Variants in DCAF12L2 observed in about 807,000 individuals in gnomAD.
DCAF12L2 encodes DDB1- and CUL4-associated factor 12-like protein 2.
A neutral mutation model predicts 20.2 loss-of-function variants in DCAF12L2; 16 were observed. The ratio of observed to expected loss-of-function variants is 0.79; its 90% CI spans 0.54 to 1.20. DCAF12L2 has a LOEUF of 1.20. Ranked by LOEUF, DCAF12L2 falls within the 50% of genes most tolerant of loss-of-function variation. DCAF12L2 has a pLI of 0.00. For missense variants in DCAF12L2, 355 were observed against 404.8 expected, an observed-to-expected ratio of 0.88 and a Z score of 1.06; for synonymous variants, 195 against 190.0, an observed-to-expected ratio of 1.03 and a Z score of -0.22.
Position 126,166,035 on chromosome X carries a change from G to A in DCAF12L2, c.-111C>T. On this transcript the variant is annotated 5_prime_UTR_variant, in exon 1 of 1. Transcript: ENST00000360028. ...GTGTTGGCCGTGGCGGCGGTGGTGGGGATGGCTGCGCTTCCGCGTCAGCCG... is the reference window on the plus strand; with the variant it reads ...GTGTTGGCCGTGGCGGCGGTGGTGGAGATGGCTGCGCTTCCGCGTCAGCCG... 2 of 708,834 alleles carry A rather than the reference G, an allele frequency of 2.8e-6. No individual in the cohort carries two copies. Among genetic ancestry groups the A allele is most frequent in the Non-Finnish European group, 3.3e-6 (2 of 597,756 alleles). 58.4% of individuals were successfully genotyped at this position (708,834 alleles called of 1,213,427 possible). A position where few individuals can be genotyped will look rare whatever the true frequency, so the allele number is the denominator to read the frequency against.
In DCAF12L2 at chrX:126,164,299, G is replaced by C; in HGVS notation, c.*234C>G. On this transcript the variant is annotated 3_prime_UTR_variant, in exon 1 of 1. Coordinates refer to ENST00000360028, the MANE Select transcript of DCAF12L2 (RefSeq NM_001013628.3). ...AAAATATACTGCTGTTGGGAAACGT[G>C]AATGAGAGTTTTAAAGCCAAAGTTT... 7.8e-6 allele frequency: 3 copies of C among 382,427 alleles called. No homozygotes were observed. Among genetic ancestry groups the C allele is most frequent in the Non-Finnish European group, 1.3e-5 (3 of 227,937 alleles). 31.5% of individuals were successfully genotyped at this position (382,427 alleles called of 1,213,427 possible). A position where few individuals can be genotyped will look rare whatever the true frequency, so the allele number is the denominator to read the frequency against.
Position 126,165,365 on chromosome X carries a change from A to C in DCAF12L2, c.560T>G (p.Leu187Arg). ...YQLPTLDPLCLGDRHGHKDWI... is the reference protein window; with the variant it reads ...YQLPTLDPLCRGDRHGHKDWI... The stretch of plus-strand genomic sequence containing the variant: ...GTCCTTGTGGCCATGGCGGTCGCCC[A>C]GGCACAGGGGGTCCAGGGTGGGCAG... Residue 187 changes from leucine (L) to arginine (R), a missense_variant, in exon 1 of 1, where the codon CTG (leucine) becomes CGG (arginine). Coordinates refer to ENST00000360028, the MANE Select transcript of DCAF12L2 (RefSeq NM_001013628.3). 8.3e-7 allele frequency: 1 copy of C among 1,211,972 alleles called. No individual in the cohort carries two copies. The highest frequency in any genetic ancestry group is 1.1e-6 in the Non-Finnish European group (1 of 895,597).
chrX:126,165,445 G>C lies in DCAF12L2; in HGVS notation c.480C>G (p.Ser160=), dbSNP rs375151881. The part of the protein sequence containing the change: ...CGIHAIELNP[S]KTLLATGGEN... ...CGCCGCCGGTGGCCAGAAGCGTCTTGGAGGGATTCAGCTCGATGGCATGGA... is the reference window on the plus strand; with the variant it reads ...CGCCGCCGGTGGCCAGAAGCGTCTTCGAGGGATTCAGCTCGATGGCATGGA... The change falls in exon 1 of 1, where the codon TCC becomes TCG. Residue 160 remains serine (S), a synonymous_variant. Coordinates refer to ENST00000360028, the MANE Select transcript of DCAF12L2 (RefSeq NM_001013628.3). 2.5e-6 allele frequency: 3 copies of C among 1,211,052 alleles called. No individual in the cohort carries two copies. The African/African-American group carries it at 5.2e-5, about 21-fold the overall frequency.
rs775766094 is a variant in DCAF12L2, at chrX:126,165,376, G to T, written c.549C>A (p.Asp183Glu). The T allele has an allele frequency of 2.5e-6, 3 of 1,211,947 alleles. No homozygotes were observed. Among genetic ancestry groups the T allele is most frequent in the Non-Finnish European group, 3.3e-6 (3 of 895,579 alleles). ...CATGGCGGTCGCCCAGGCACAGGGG[G>T]TCCAGGGTGGGCAGCTGGTAGATGG... ...SLAIYQLPTL[D>E]PLCLGDRHGH... is the part of the protein sequence containing the mutation. The change falls in exon 1 of 1, where the codon GAC (aspartate) becomes GAA (glutamate). Residue 183 changes from aspartate (D) to glutamate (E), a missense_variant. Transcript: ENST00000360028.
chrX:126,165,986 C>G lies in DCAF12L2; in HGVS notation c.-62G>C. The stretch of plus-strand genomic sequence containing the variant: ...GGCGGCGGCGGCGGCGGCGGCCCGG[C>G]GGCGGTGGCGGCGCGTGGCACCCGT... On this transcript the variant is annotated 5_prime_UTR_variant, in exon 1 of 1. Coordinates refer to ENST00000360028, the MANE Select transcript of DCAF12L2 (RefSeq NM_001013628.3). 1 of 766,204 alleles carries G rather than the reference C, an allele frequency of 1.3e-6. No homozygotes were observed. The highest frequency in any genetic ancestry group is 1.5e-6 in the Non-Finnish European group (1 of 648,945). The allele number at this position is 766,204 out of a possible 1,213,427, so 63.1% of individuals were successfully genotyped here.
chrX:126,165,292 G>A lies in DCAF12L2; in HGVS notation c.633C>T (p.Gly211=), dbSNP rs1201119880. ...ACAGAGCCACGGTGCCGTCGCGGGA[G>A]CCGCTCACAGCTACGGTGTCACTCA... ...AWLSDTVAVS[G]SRDGTVALWR... is the part of the protein sequence containing the mutation. Residue 211 remains glycine, a synonymous_variant, in exon 1 of 1, where the codon GGC becomes GGT. Transcript: ENST00000360028. 19 of 1,211,456 alleles carry A rather than the reference G, an allele frequency of 1.6e-5. No homozygotes were observed. Among genetic ancestry groups the A allele is most frequent in the Non-Finnish European group, 2.1e-5 (19 of 895,504 alleles).
chrX:126,165,865 G>C lies in DCAF12L2; in HGVS notation c.60C>G (p.Ala20=). ...CTAAACCCTGCGACGACGAGCTCCCGGCTCCCGCCTCGACCGCGGGCGCTT... is the reference window on the plus strand; with the variant it reads ...CTAAACCCTGCGACGACGAGCTCCCCGCTCCCGCCTCGACCGCGGGCGCTT... ...KRKAPAVEAG[A]GSSSSQGLAA... Residue 20 remains alanine (A), a synonymous_variant, in exon 1 of 1, where the codon GCC becomes GCG. Transcript: ENST00000360028. 4 of 1,205,480 alleles carry C rather than the reference G, an allele frequency of 3.3e-6. No homozygotes were observed. Among genetic ancestry groups the C allele is most frequent in the Non-Finnish European group, 4.5e-6 (4 of 894,522 alleles).
In DCAF12L2 at chrX:126,163,900, C is replaced by T. The variant is rs1025881787; in HGVS notation, c.*633G>A. On this transcript the variant is annotated 3_prime_UTR_variant, in exon 1 of 1. Coordinates refer to ENST00000360028, the MANE Select transcript of DCAF12L2 (RefSeq NM_001013628.3). The stretch of plus-strand genomic sequence containing the variant: ...CAGAACATATTTTTAAAGCATTTTA[C>T]ACATCAACACTATACAAACAACAGA... The T allele has an allele frequency of 6.2e-5, 7 of 112,210 alleles. No homozygotes were observed. The highest frequency in any genetic ancestry group is 2.3e-4 in the African/African-American group (7 of 30,872). 9.2% of individuals were successfully genotyped at this position (112,210 alleles called of 1,213,427 possible). A position where few individuals can be genotyped will look rare whatever the true frequency, so the allele number is the denominator to read the frequency against.
rs931036780 is a variant in DCAF12L2 at position 126,165,419 on chromosome X, T to C, written c.506A>G (p.Glu169Gly). Residue 169 changes from glutamate (E) to glycine (G), a missense_variant, in exon 1 of 1, where the codon GAA becomes GGA. By Grantham distance (98) the Glu-to-Gly change is moderately conservative. Transcript: ENST00000360028. ...GTAGATGGCCAGGCTGTTGGGGTTT[T>C]CGCCGCCGGTGGCCAGAAGCGTCTT... ...PSKTLLATGG[E>G]NPNSLAIYQL... is the part of the protein sequence containing the mutation. 1 of 1,210,704 alleles carries C rather than the reference T, an allele frequency of 8.3e-7. No individual in the cohort carries two copies. Among genetic ancestry groups the C allele is most frequent in the Non-Finnish European group, 1.1e-6 (1 of 895,294 alleles).
Position 126,166,040 on chromosome X carries a change from GC to G in DCAF12L2, c.-117del. The G allele has an allele frequency of 1.4e-6, 1 of 708,781 alleles. No homozygotes were observed. Among genetic ancestry groups the G allele is most frequent in the Non-Finnish European group, 1.7e-6 (1 of 597,164 alleles). The allele number at this position is 708,781 out of a possible 1,213,427, so 58.4% of individuals were successfully genotyped here. ...GGCCGTGGCGGCGGTGGTGGGGATGGCTGCGCTTCCGCGTCAGCCGAGAGCT... is the reference window on the plus strand; with the variant it reads ...GGCCGTGGCGGCGGTGGTGGGGATGGTGCGCTTCCGCGTCAGCCGAGAGCT... On this transcript the variant is annotated 5_prime_UTR_variant, in exon 1 of 1. Transcript: ENST00000360028.
Position 126,164,447 on chromosome X carries a change from T to G in DCAF12L2, c.*86A>C, listed in dbSNP as rs1235521302. 5 of 1,106,985 alleles carry G rather than the reference T, an allele frequency of 4.5e-6. No individual in the cohort carries two copies. Among genetic ancestry groups the G allele is most frequent in the Non-Finnish European group, 4.8e-6 (4 of 835,759 alleles). 91.2% of individuals were successfully genotyped at this position (1,106,985 alleles called of 1,213,427 possible). A position where few individuals can be genotyped will look rare whatever the true frequency, so the allele number is the denominator to read the frequency against. On this transcript the variant is annotated 3_prime_UTR_variant, in exon 1 of 1. Transcript: ENST00000360028. ...CCTGGAAGACAAAAGCCACACAAAG[T>G]TAAAAGCACAAATGCAGCATGAAGA...
chrX:126,166,034 G>T lies in DCAF12L2; in HGVS notation c.-110C>A. The T allele has an allele frequency of 1.4e-6, 1 of 717,857 alleles. No individual in the cohort carries two copies. 59.2% of individuals were successfully genotyped at this position (717,857 alleles called of 1,213,427 possible). On this transcript the variant is annotated 5_prime_UTR_variant, in exon 1 of 1. Coordinates refer to ENST00000360028, the MANE Select transcript of DCAF12L2 (RefSeq NM_001013628.3). ...CGTGTTGGCCGTGGCGGCGGTGGTG[G>T]GGATGGCTGCGCTTCCGCGTCAGCC...
Position 126,165,213 on chromosome X carries a change from C to G in DCAF12L2, c.712G>C (p.Gly238Arg), listed in dbSNP as rs1352852574. ...NGSIAWHSEV[G>R]LPVYAHIRPR... ...CGGATGTGGGCATATACTGGGAGAC[C>G]CACCTCGCTGTGCCAGGCAATGCTG... The change falls in exon 1 of 1, where the codon GGT becomes CGT. Residue 238 changes from glycine (G) to arginine (R), a missense_variant. By Grantham distance (125) the Gly-to-Arg change is moderately radical (BLOSUM62 -2). Coordinates refer to ENST00000360028, the MANE Select transcript of DCAF12L2 (RefSeq NM_001013628.3). 1 of 1,210,742 alleles carries G rather than the reference C, an allele frequency of 8.3e-7. No individual in the cohort carries two copies. Among genetic ancestry groups the G allele is most frequent in the African/African-American group, 1.7e-5 (1 of 57,546 alleles).
rs775259004 is a variant in DCAF12L2, at chrX:126,164,792, C to T, written c.1133G>A (p.Arg378His). The change falls in exon 1 of 1, where the codon CGC (arginine) becomes CAC (histidine). Residue 378 changes from arginine to histidine, a missense_variant. Physicochemically the swap from Arg to His is conservative, Grantham distance 29. Transcript: ENST00000360028. ...GHGSLLFYDI[R>H]AQKFLEERAS... ...CCTCTCCTCCAGGAACTTCTGGGCGCGGATGTCATAGAAGAGCAGGGAACC... is the reference window on the plus strand; with the variant it reads ...CCTCTCCTCCAGGAACTTCTGGGCGTGGATGTCATAGAAGAGCAGGGAACC... The T allele has an allele frequency of 8.3e-7, 1 of 1,211,189 alleles. No individual in the cohort carries two copies. The highest frequency in any genetic ancestry group is 3.0e-5 in the East Asian group (1 of 33,757).
chrX:126,165,265 CCA>C lies in DCAF12L2; in HGVS notation c.658_659del (p.Trp220AlafsTer8), dbSNP rs1198618755. The C allele has an allele frequency of 1.1e-5, 13 of 1,211,275 alleles. No individual in the cohort carries two copies. Among genetic ancestry groups the C allele is most frequent in the Non-Finnish European group, 1.5e-5 (13 of 895,457 alleles). ...SGSRDGTVAL[W>X]RMDPDMFNGS... ...CATTAAACATGTCTGGGTCCATCCG[CCA>C]CAGAGCCACGGTGCCGTCGCGGGAG... On this transcript the variant is annotated frameshift_variant, in exon 1 of 1. Coordinates refer to ENST00000360028, the MANE Select transcript of DCAF12L2 (RefSeq NM_001013628.3). LOFTEE classifies it high-confidence loss of function.
chrX:126,166,141 GGCGGCA>G lies in DCAF12L2; in HGVS notation c.-223_-218del. On this transcript the variant is annotated 5_prime_UTR_variant, in exon 1 of 1. Coordinates refer to ENST00000360028, the MANE Select transcript of DCAF12L2 (RefSeq NM_001013628.3). The stretch of plus-strand genomic sequence containing the variant: ...CAGTCTGAGGCTCGGCGGCGGCGGC[GGCGGCA>G]GCGGTCGTCCTGGCCAGAGATGCGC... 3.6e-6 allele frequency: 1 copy of G among 275,989 alleles called. No individual in the cohort carries two copies. Among genetic ancestry groups the G allele is most frequent in the Non-Finnish European group, 5.0e-6 (1 of 201,130 alleles). The allele number at this position is 275,989 out of a possible 1,213,427, so 22.7% of individuals were successfully genotyped here.
chrX:126,164,332 C>A lies in DCAF12L2; in HGVS notation c.*201G>T, dbSNP rs1927769084. ...GTTTTAAAGCCAAAGTTTTGACTGCCGAAAGGACCACTTGTGCTCTCTCGC... is the reference window on the plus strand; with the variant it reads ...GTTTTAAAGCCAAAGTTTTGACTGCAGAAAGGACCACTTGTGCTCTCTCGC... On this transcript the variant is annotated 3_prime_UTR_variant, in exon 1 of 1. Transcript: ENST00000360028. 2 of 448,282 alleles carry A rather than the reference C, an allele frequency of 4.5e-6. No individual in the cohort carries two copies. The highest frequency in any genetic ancestry group is 2.5e-5 in the African/African-American group (1 of 40,133). The allele number at this position is 448,282 out of a possible 1,213,427, so 36.9% of individuals were successfully genotyped here. A position where few individuals can be genotyped will look rare whatever the true frequency, so the allele number is the denominator to read the frequency against.
chrX:126,165,961 G>A lies in DCAF12L2; in HGVS notation c.-37C>T, dbSNP rs758874314. ...GGCGATCTGCAGCAGCGGCGGCGGC[G>A]GCGGCGGCGGCGGCGGCGGCCCGGC... On this transcript the variant is annotated 5_prime_UTR_variant, in exon 1 of 1. Transcript: ENST00000360028. 2 of 859,527 alleles carry A rather than the reference G, an allele frequency of 2.3e-6. No homozygotes were observed. Among genetic ancestry groups the A allele is most frequent in the Non-Finnish European group, 1.4e-6 (1 of 708,709 alleles). 70.8% of individuals were successfully genotyped at this position (859,527 alleles called of 1,213,427 possible). A position where few individuals can be genotyped will look rare whatever the true frequency, so the allele number is the denominator to read the frequency against.
In DCAF12L2 at chrX:126,165,981, C is replaced by CGG; in HGVS notation, c.-58_-57insCC. ...GCGGCGGCGGCGGCGGCGGCGGCGG[C>CGG]CCGGCGGCGGTGGCGGCGCGTGGCA... On this transcript the variant is annotated 5_prime_UTR_variant, in exon 1 of 1. Transcript: ENST00000360028. The CGG allele has an allele frequency of 8.8e-6, 7 of 797,995 alleles. No individual in the cohort carries two copies. The highest frequency in any genetic ancestry group is 8.1e-5 in the Admixed American group (1 of 12,327). The allele number at this position is 797,995 out of a possible 1,213,427, so 65.8% of individuals were successfully genotyped here.
Sources: allele counts gnomAD v4.1 joint callset, GRCh38; gene constraint gnomAD v4.1.1; transcripts MANE v1.5; gene names NCBI Gene and HGNC (gene_info 2026-07-23, HGNC 2026-07-21).